VPS13A: variants seen among roughly 807,000 people sequenced by gnomAD.
VPS13A encodes the protein vacuolar protein sorting 13 homolog A.
In VPS13A, 264 loss-of-function variants were observed where a neutral mutation model predicts 390.9. The ratio of observed to expected loss-of-function variants is 0.68; its 90% CI spans 0.61 to 0.75. The LOEUF (loss-of-function observed/expected upper bound fraction) is 0.75. VPS13A is among the 30% of genes least tolerant of loss of function. The pLI is 0.00. For missense variants in VPS13A, 3,409 were observed against 3,733.9 expected, an observed-to-expected ratio of 0.91 and a Z score of 2.27; for synonymous variants, 1,231 against 1,227.1, an observed-to-expected ratio of 1.00 and a Z score of -0.07.
intron 31 of VPS13A, among the ~76,000 whole-genome samples, chr9:77,289,218 C>T (rs894216146): frequency 2.0e-5 from 3 of 152,098 alleles, no homozygotes; most frequent in Non-Finnish European, 4.4e-5. Context: ...TGCATGCCAC[C>T]ACATCTGGCT....
At chr9:77,212,031 G>T (rs991574687) in intron 7 of VPS13A, among the ~76,000 whole-genome samples, 2 of 152,268 alleles carry the variant, frequency 1.3e-5, no homozygotes, top group East Asian at 3.9e-4. Context: ...GGTCGTTGGT[G>T]CCAAAAAGGT....
At chr9:77,234,640 A>T (rs527714119) in intron 17 of VPS13A, among the ~76,000 whole-genome samples, 1 of 152,146 alleles carries the variant, frequency 6.6e-6, no homozygotes, top group South Asian at 2.1e-4. Flanking sequence ...TCCTTTGATG[A>T]GTTTAATTTC....
intron 12 of VPS13A, 106 bp from the exon 13 acceptor site, chr9:77,221,079 C>G: frequency 9.1e-7 from 1 of 1,101,572 alleles, no homozygotes; most frequent in Non-Finnish European, 1.4e-6. Flanking sequence ...TATCATTTTC[C>G]TAATCTTTGT....
In VPS13A at chr9:77,238,660, G is replaced by T. The variant is rs1824288702; in HGVS notation, c.1900+274G>T. Among the ~76,000 whole-genome samples the T allele has an allele frequency of 3.3e-5, 5 of 152,166 alleles. No homozygotes were observed. In the South Asian group the frequency reaches 1.0e-3, roughly 32 times the overall value. ...TGGACCTCTATTTATGACAAAAACT[G>T]GCCTCTCGTTTTCCTTTCTTAGAAT... On this transcript the variant is annotated intron_variant, in intron 19 of 71. Coordinates refer to ENST00000360280, the MANE Select transcript of VPS13A (RefSeq NM_033305.3).
rs1564630545 is a variant in VPS13A at position 77,207,250 on chromosome 9, T to TAC, written c.385+1172_385+1173insCA. ...ATATATATATATATATATATATATATATAAAACGTGTTATATGTAACATAA... is the reference window on the plus strand; with the variant it reads ...ATATATATATATATATATATATATATACATAAAACGTGTTATATGTAACATAA... On this transcript the variant is annotated intron_variant, in intron 5 of 71. Coordinates refer to ENST00000360280, the MANE Select transcript of VPS13A (RefSeq NM_033305.3). Among the ~76,000 whole-genome samples, 26 of 108,894 alleles carry TAC rather than the reference T, an allele frequency of 2.4e-4. 1 individual carries two copies. The highest frequency in any genetic ancestry group is 9.0e-4 in the African/African-American group (24 of 26,610). 71.4% of individuals were successfully genotyped at this position (108,894 alleles called of 152,430 possible).
intron 52 of VPS13A, among the ~76,000 whole-genome samples, chr9:77,345,843 G>C (rs1026098184): frequency 1.3e-5 from 2 of 152,100 alleles, no homozygotes; most frequent in Admixed American, 6.5e-5. Context: ...ATTGAGTAGG[G>C]ACCACAGGGC....
rs141085812 is a variant in VPS13A at position 77,184,027 on chromosome 9, A to G, written c.100+6223A>G. The stretch of plus-strand genomic sequence containing the variant: ...CTCATTTCCTCCTAAATACTTCAGC[A>G]TGTGTATCATTAGAGTGCAATATTT... On this transcript the variant is annotated intron_variant, in intron 1 of 71. Transcript: ENST00000360280. Among the ~76,000 whole-genome samples the G allele has an allele frequency of 4.7e-3, 717 of 152,322 alleles. 2 individuals carry two copies. The highest frequency in any genetic ancestry group is 0.011 in the South Asian group (52 of 4,820).
chr9:77,194,254 G>C (rs1294505116), intron 1 of VPS13A, among the ~76,000 whole-genome samples: 2 of 152,108 alleles, frequency 1.3e-5, no homozygotes, highest in Admixed American at 1.3e-4. Context: ...GCCAGCAAAG[G>C]AGCTATAGTG....
intron 70 of VPS13A, among the ~76,000 whole-genome samples, chr9:77,406,989 G>A (rs1379104036): frequency 6.6e-6 from 1 of 152,124 alleles, no homozygotes; most frequent in African/African-American, 2.4e-5. Context: ...AAATAGTGGA[G>A]GAAAATCATC....
intron 4 of VPS13A, among the ~76,000 whole-genome samples, 192 bp downstream of exon 4, chr9:77,205,600 AT>A (rs908960906): frequency 4.0e-5 from 6 of 149,864 alleles, no homozygotes; most frequent in East Asian, 1.9e-4. Flanking sequence ...ATTTATTATT[AT>A]TTTTTTTTAA....
intron 3 of VPS13A, among the ~76,000 whole-genome samples, chr9:77,204,618 G>T (rs1830086188): frequency 1.3e-5 from 2 of 151,922 alleles, no homozygotes; most frequent in Admixed American, 6.6e-5. Context: ...CTTATTTAAA[G>T]TATACAATCT....
chr9:77,244,849 T>TTCCATTTC lies in VPS13A; in HGVS notation c.1901-2410_1901-2409insTCCATTTC, dbSNP rs1824712660. 1.2e-4 allele frequency among the ~76,000 whole-genome samples: 19 copies of TTCCATTTC among 152,178 alleles called. No individual in the cohort carries two copies. The South Asian group carries it at 4.0e-3, about 32-fold the overall frequency. ...CCCCAATTTAGTCTTGGTGGTAGTG[T>TTCCATTTC]CAGAGAAGATCTCTGAAAATTCAAC... On this transcript the variant is annotated intron_variant, in intron 19 of 71. Transcript: ENST00000360280.
chr9:77,306,716 G>C (rs747018080), intron 34 of VPS13A, among the ~76,000 whole-genome samples: 20 of 152,084 alleles, frequency 1.3e-4, no homozygotes, highest in Middle Eastern at 6.8e-3. Context: ...GATTTACCTA[G>C]AGTCTAGAGA....
intron 68 of VPS13A, among the ~76,000 whole-genome samples, chr9:77,389,158 A>G (rs764068249): frequency 2.0e-4 from 31 of 152,174 alleles, no homozygotes; most frequent in Admixed American, 3.9e-4. Context: ...TTATGACTCA[A>G]AAGTATAAAT....
chr9:77,408,174 GCAAT>G (rs1182846570), intron 71 of VPS13A, among the ~76,000 whole-genome samples: 1 of 152,168 alleles, frequency 6.6e-6, no homozygotes, highest in Non-Finnish European at 1.5e-5. Flanking sequence ...AGGGATTATG[GCAAT>G]CAATCACAAG....
At chr9:77,351,266 C>T in intron 52 of VPS13A, 51 bp from the exon 53 acceptor site, 1 of 1,599,968 alleles carries the variant, frequency 6.3e-7, no homozygotes, top group Non-Finnish European at 8.5e-7. Context: ...TTTTTTTAAT[C>T]TCTTCGTGTA....
intron 46 of VPS13A, among the ~76,000 whole-genome samples, chr9:77,335,453 A>G (rs1367676761): frequency 2.0e-5 from 3 of 152,172 alleles, no homozygotes; most frequent in Non-Finnish European, 2.9e-5. Context: ...TTTGCAGTCT[A>G]TCCATCTGAC....
At chr9:77,398,673 C>A (rs1191931489) in intron 68 of VPS13A, among the ~76,000 whole-genome samples, 1 of 152,102 alleles carries the variant, frequency 6.6e-6, no homozygotes, top group African/African-American at 2.4e-5. Context: ...TCTGTGGATT[C>A]AGTTTGAAAG....
At chr9:77,274,570 A>G (rs904798091) in intron 24 of VPS13A, among the ~76,000 whole-genome samples, 4 of 152,028 alleles carry the variant, frequency 2.6e-5, no homozygotes, top group Non-Finnish European at 5.9e-5. Context: ...TTGCTATAGT[A>G]TATTTAAAAC....
Sources: allele counts gnomAD v4.1 joint callset (sites outside exome capture counted in the v4.1 genomes callset), GRCh38; gene constraint gnomAD v4.1.1; transcripts MANE v1.5; gene names NCBI Gene and HGNC (gene_info 2026-07-23, HGNC 2026-07-21).